PODXL: variants seen among roughly 807,000 people sequenced by gnomAD.
The protein encoded by PODXL is podocalyxin like.
In PODXL, 20 loss-of-function variants were observed where a neutral mutation model predicts 48.9. That is an observed-to-expected ratio of 0.41 (90% CI 0.29 to 0.59). The LOEUF is 0.59. Ranked by LOEUF, PODXL falls within the 20% of genes least tolerant of loss-of-function variation. The pLI is 0.31. For missense variants in PODXL, 606 were observed against 675.1 expected (o/e 0.90, Z 1.13); for synonymous variants, 295 against 287.4 (o/e 1.03, Z -0.27).
At chr7:131,522,723 A>G (rs1017956597) in intron 1 of PODXL, among the ~76,000 whole-genome samples, 2 of 152,228 alleles carry the variant, frequency 1.3e-5, no homozygotes, top group African/African-American at 4.8e-5. Flanking sequence ...GGACTCACCT[A>G]TTCTAGAGAG....
At position 131,518,374 on chromosome 7, in the gene PODXL, G is replaced by GT. The variant is rs536791118; in HGVS notation, c.101-6942dup. 3.3e-3 allele frequency among the ~76,000 whole-genome samples: 505 copies of GT among 152,326 alleles called. 2 individuals carry two copies. The highest frequency in any genetic ancestry group is 0.011 in the African/African-American group (472 of 41,566). ...ACTTGAGGTGGCTAAAGAATCAAGC[G>GT]TAAGTCAGAAACAGTGCTCAAGACC... On this transcript the variant is annotated intron_variant, in intron 1 of 8. Coordinates refer to ENST00000378555, the MANE Select transcript of PODXL (RefSeq NM_001018111.3).
At position 131,508,941 on chromosome 7, in the gene PODXL, A is replaced by G; in HGVS notation, c.1101+10T>C. 1 of 1,604,632 alleles carries G rather than the reference A, an allele frequency of 6.2e-7. No homozygotes were observed. Among genetic ancestry groups the G allele is most frequent in the Non-Finnish European group, 8.5e-7 (1 of 1,171,462 alleles). ...CTGCACCTGGCGGCTCAGATCAGCA[A>G]GCTACTCACACAGAGGGTGTTTCCT... On this transcript the variant is annotated intron_variant, in intron 5 of 8. Coordinates refer to ENST00000378555, the MANE Select transcript of PODXL (RefSeq NM_001018111.3).
intron 5 of PODXL, among the ~76,000 whole-genome samples, chr7:131,507,669 GA>G (rs71174953): frequency 0.044 from 5,903 of 133,120 alleles, 383 homozygotes; most frequent in African/African-American, 0.15. Flanking sequence ...CTAGCAAAGG[GA>G]AAAAAAAAAA....
chr7:131,528,053 A>G (rs1584821073), intron 1 of PODXL, among the ~76,000 whole-genome samples: 2 of 151,768 alleles, frequency 1.3e-5, no homozygotes, highest in East Asian at 3.9e-4. Flanking sequence ...ACAGGCGCCC[A>G]TCACCTGGCT....
Position 131,503,960 on chromosome 7 carries a change from T to C in PODXL, c.*351A>G. 3.1e-6 allele frequency: 1 copy of C among 324,140 alleles called. No individual in the cohort carries two copies. The highest frequency in any genetic ancestry group is 3.2e-5 in the South Asian group (1 of 31,520). 20.1% of individuals were successfully genotyped at this position (324,140 alleles called of 1,614,324 possible). A position where few individuals can be genotyped will look rare whatever the true frequency, so the allele number is the denominator to read the frequency against. On this transcript the variant is annotated 3_prime_UTR_variant, in exon 9 of 9. Transcript: ENST00000378555. ...CATCCTGGCTCTGTCACCAAGTGGC[T>C]CTGACCTTGGGCAAGTCACTTACCC...
chr7:131,518,310 A>G (rs930592928), intron 1 of PODXL, among the ~76,000 whole-genome samples: 1 of 152,192 alleles, frequency 6.6e-6, no homozygotes, highest in African/African-American at 2.4e-5. Flanking sequence ...TTAAAGAGAA[A>G]GTAATGTATT....
Position 131,506,014 on chromosome 7 carries a change from G to A in PODXL, c.1333C>T (p.Leu445=). ...TCCTCCGGTGGCCCCTGGTCCCCTAGCTTCATGTCACTGACCCCTGCCTGC... is the reference window on the plus strand; with the variant it reads ...TCCTCCGGTGGCCCCTGGTCCCCTAACTTCATGTCACTGACCCCTGCCTGC... The part of the protein sequence containing the change: ...LKEAGVSDMK[L]GDQGPPEEAE... The change falls in exon 8 of 9, where the codon CTA becomes TTA. Residue 445 remains leucine (L), a synonymous_variant. Coordinates refer to ENST00000378555, the MANE Select transcript of PODXL (RefSeq NM_001018111.3). 2 of 1,612,582 alleles carry A rather than the reference G, an allele frequency of 1.2e-6. No homozygotes were observed. The highest frequency in any genetic ancestry group is 1.7e-6 in the Non-Finnish European group (2 of 1,179,452).
rs770016671 is a variant in PODXL, at chr7:131,505,846, G to A, written c.1479+22C>T. The A allele has an allele frequency of 6.5e-5, 100 of 1,545,394 alleles. 1 individual carries two copies. The highest frequency in any genetic ancestry group is 7.9e-5 in the Non-Finnish European group (90 of 1,145,264). ...TGGTGACCTGGGCTGCTTCCCCTGT[G>A]TGGCTGCAAACAGCTGCTTACCTGG... On this transcript the variant is annotated intron_variant, in intron 8 of 8. Transcript: ENST00000378555.
chr7:131,530,155 C>G (rs563796434), intron 1 of PODXL, among the ~76,000 whole-genome samples: 2 of 139,960 alleles, frequency 1.4e-5, no homozygotes, highest in South Asian at 2.7e-4. Flanking sequence ...ACCCCACCCC[C>G]CCACCCCCAG....
At chr7:131,512,939 G>A (rs1256990842) in intron 1 of PODXL, among the ~76,000 whole-genome samples, 2 of 146,820 alleles carry the variant, frequency 1.4e-5, no homozygotes, top group African/African-American at 2.6e-5. Context: ...AGGTTGCAGT[G>A]AGCCAAGATG....
intron 1 of PODXL, among the ~76,000 whole-genome samples, chr7:131,517,234 G>A (rs969508534): frequency 1.3e-5 from 2 of 152,068 alleles, no homozygotes; most frequent in Middle Eastern, 3.2e-3. Context: ...ACAGAATTTC[G>A]TTTCCAGGAA....
rs552943216 is a variant in PODXL, at chr7:131,502,405, A to G, written c.*1906T>C. Reference sequence around the variant, plus strand: ...CTCCTGGGAAACTCGCTGGGGCCCTATGTGAACCCCTGGCCTTCCTTTTCC... The same window carrying G: ...CTCCTGGGAAACTCGCTGGGGCCCTGTGTGAACCCCTGGCCTTCCTTTTCC... On this transcript the variant is annotated 3_prime_UTR_variant, in exon 9 of 9. Coordinates refer to ENST00000378555, the MANE Select transcript of PODXL (RefSeq NM_001018111.3). 3.9e-5 allele frequency: 6 copies of G among 152,456 alleles called. No individual in the cohort carries two copies. The highest frequency in any genetic ancestry group is 9.6e-5 in the African/African-American group (4 of 41,556). The allele number at this position is 152,456 out of a possible 1,614,324, so 9.4% of individuals were successfully genotyped here. A position where few individuals can be genotyped will look rare whatever the true frequency, so the allele number is the denominator to read the frequency against.
At chr7:131,515,789 A>G (rs973924237) in intron 1 of PODXL, among the ~76,000 whole-genome samples, 3 of 152,204 alleles carry the variant, frequency 2.0e-5, no homozygotes, top group African/African-American at 7.2e-5. Context: ...TTCACTTGCC[A>G]GGAAGCTCTA....
chr7:131,524,011 C>A (rs1198134520), intron 1 of PODXL, among the ~76,000 whole-genome samples: 1 of 152,068 alleles, frequency 6.6e-6, no homozygotes, highest in Non-Finnish European at 1.5e-5. Context: ...GTTGTGCAGG[C>A]TGGTCTCGAA....
intron 1 of PODXL, among the ~76,000 whole-genome samples, chr7:131,547,503 G>A (rs1798599575): frequency 6.6e-6 from 1 of 151,936 alleles, no homozygotes; most frequent in Admixed American, 6.6e-5. Flanking sequence ...CGCTGGAGAA[G>A]CCCAGGTCAA....
intron 8 of PODXL, 73 bp downstream of exon 8, chr7:131,505,794 TC>T: frequency 7.1e-7 from 1 of 1,399,684 alleles, no homozygotes. Flanking sequence ...CTTCTGCAAC[TC>T]GGGAATCACG....
At chr7:131,518,044 T>A (rs1798030689) in intron 1 of PODXL, among the ~76,000 whole-genome samples, 2 of 152,248 alleles carry the variant, frequency 1.3e-5, no homozygotes, top group South Asian at 2.1e-4. Context: ...CGGCCGTATA[T>A]CTCTCCTCTT....
Position 131,556,510 on chromosome 7 carries a change from G to A in PODXL, c.-151C>T. On this transcript the variant is annotated 5_prime_UTR_variant, in exon 1 of 9. Coordinates refer to ENST00000378555, the MANE Select transcript of PODXL (RefSeq NM_001018111.3). ...GCCCGGGGCTCCCGAGTCGCGCTGC[G>A]GCGGCTCTTCCTCCCTGCCGCTGCA... 2.1e-6 allele frequency: 2 copies of A among 947,606 alleles called. No individual in the cohort carries two copies. The highest frequency in any genetic ancestry group is 4.4e-5 in the South Asian group (1 of 22,634). 58.7% of individuals were successfully genotyped at this position (947,606 alleles called of 1,614,324 possible). A position where few individuals can be genotyped will look rare whatever the true frequency, so the allele number is the denominator to read the frequency against.
intron 1 of PODXL, among the ~76,000 whole-genome samples, chr7:131,521,841 T>A (rs928786283): frequency 3.9e-5 from 6 of 152,022 alleles, no homozygotes; most frequent in African/African-American, 1.2e-4. Flanking sequence ...GTGCTGAAAC[T>A]CCATACCCAC....
Sources: allele counts gnomAD v4.1 joint callset (sites outside exome capture counted in the v4.1 genomes callset), GRCh38; gene constraint gnomAD v4.1.1; transcripts MANE v1.5; gene names NCBI Gene and HGNC (gene_info 2026-07-23, HGNC 2026-07-21).